Variants in ULK2 observed in about 807,000 individuals in gnomAD.
The protein encoded by ULK2 is unc-51 like autophagy activating kinase 2, also known as serine/threonine-protein kinase ULK2.
In ULK2, 76 loss-of-function variants were observed where a neutral mutation model predicts 127.5. That is an observed-to-expected ratio of 0.60 (90% CI 0.50 to 0.72). The LOEUF is 0.72. ULK2 is among the 30% of genes least tolerant of loss of function. ULK2 has a pLI of 0.00. For missense variants in ULK2, 1,144 were observed against 1,295.9 expected, an observed-to-expected ratio of 0.88 and a Z score of 1.80; for synonymous variants, 452 against 461.9, an observed-to-expected ratio of 0.98 and a Z score of 0.28.
chr17:19,797,337 A>G lies in ULK2; in HGVS notation c.1809+59T>C, dbSNP rs117970647. The G allele has an allele frequency of 2.0e-3, 2,944 of 1,485,888 alleles. 71 individuals carry two copies. In the East Asian group the frequency reaches 0.055, roughly 28 times the overall value. 92.0% of individuals were successfully genotyped at this position (1,485,888 alleles called of 1,614,324 possible). ...AAAATTATAGCTATTCTCATAATGAATCCTTTCCATAAAGTACTATACCAG... is the reference window on the plus strand; with the variant it reads ...AAAATTATAGCTATTCTCATAATGAGTCCTTTCCATAAAGTACTATACCAG... On this transcript the variant is annotated intron_variant, in intron 18 of 26. Transcript: ENST00000395544.
Position 19,783,769 on chromosome 17 carries a change from A to C in ULK2, c.2388T>G (p.Gly796=), listed in dbSNP as rs1172828447. Residue 796 remains glycine, a synonymous_variant, in exon 22 of 27, where the codon GGT becomes GGG. Transcript: ENST00000395544. ...GCCCCTCTAGGCTGGGGGGTGAAGC[A>C]CCGTAAGGCACGTATCTCAGGCTGG... ...AAPSLRYVPY[G]ASPPSLEGLI... 6.2e-7 allele frequency: 1 copy of C among 1,601,550 alleles called. No individual in the cohort carries two copies. Among genetic ancestry groups the C allele is most frequent in the South Asian group, 1.1e-5 (1 of 88,214 alleles).
At chr17:19,811,476 C>CT (rs1294091480) in intron 13 of ULK2, among the ~76,000 whole-genome samples, 1 of 151,760 alleles carries the variant, frequency 6.6e-6, no homozygotes, top group Non-Finnish European at 1.5e-5. Context: ...GAGTCTCACT[C>CT]TGTCGCCCAG....
At chr17:19,835,689 C>T (rs2041577603) in intron 10 of ULK2, among the ~76,000 whole-genome samples, 1 of 150,442 alleles carries the variant, frequency 6.6e-6, no homozygotes, top group Non-Finnish European at 1.5e-5. Flanking sequence ...TGCACTCCAG[C>T]CTGGGTGATA....
intron 3 of ULK2, among the ~76,000 whole-genome samples, chr17:19,853,378 T>C (rs982876491): frequency 6.6e-6 from 1 of 151,926 alleles, no homozygotes; most frequent in African/African-American, 2.4e-5. Flanking sequence ...ACTCAAGCGA[T>C]CTGCCCAGCT....
intron 13 of ULK2, 98 bp from the exon 14 acceptor site, chr17:19,810,536 C>A: frequency 1.5e-6 from 1 of 660,566 alleles, no homozygotes; most frequent in Non-Finnish European, 2.6e-6. Flanking sequence ...ATGCACGATG[C>A]AAAATTACCA....
At chr17:19,799,731 A>G (rs561402205) in intron 16 of ULK2, among the ~76,000 whole-genome samples, 156 bp from the exon 17 acceptor site, 1 of 152,356 alleles carries the variant, frequency 6.6e-6, no homozygotes, top group African/African-American at 2.4e-5. Flanking sequence ...CATTTACTGG[A>G]CAACCAATCC....
At chr17:19,846,003 C>T (rs558085247) in intron 6 of ULK2, among the ~76,000 whole-genome samples, 1 of 151,952 alleles carries the variant, frequency 6.6e-6, no homozygotes, top group East Asian at 1.9e-4. Flanking sequence ...CAGCTACTTG[C>T]GCATCCCAGC....
At chr17:19,826,424 T>G (rs1474990843) in intron 10 of ULK2, among the ~76,000 whole-genome samples, 1 of 152,118 alleles carries the variant, frequency 6.6e-6, no homozygotes, top group Non-Finnish European at 1.5e-5. Context: ...TTACGAATTC[T>G]CAAAACATCT....
At chr17:19,821,844 C>T (rs1253094300) in intron 12 of ULK2, among the ~76,000 whole-genome samples, 2 of 152,016 alleles carry the variant, frequency 1.3e-5, no homozygotes, top group African/African-American at 4.8e-5. Context: ...GGCTCAAGCA[C>T]CCAGCTAATT....
chr17:19,846,970 T>C (rs997431969), intron 5 of ULK2, 60 bp from the exon 6 acceptor site: 1 of 1,491,524 alleles, frequency 6.7e-7, no homozygotes, highest in Non-Finnish European at 9.0e-7. Context: ...CATCTGCATA[T>C]TCCATCAACA....
At chr17:19,861,630 A>G (rs1354576710) in intron 3 of ULK2, among the ~76,000 whole-genome samples, 2 of 152,182 alleles carry the variant, frequency 1.3e-5, no homozygotes, top group Non-Finnish European at 2.9e-5. Context: ...TCTCTCCAAG[A>G]TTGGGAAACT....
At chr17:19,856,977 CAAA>C (rs1157706276) in intron 3 of ULK2, among the ~76,000 whole-genome samples, 2 of 21,316 alleles carry the variant, frequency 9.4e-5, no homozygotes, top group Admixed American at 5.6e-4. Context: ...ACTCCATCTC[CAAA>C]AAAAAAAAAA....
At chr17:19,799,801 T>G (rs1027647830) in intron 16 of ULK2, among the ~76,000 whole-genome samples, 2 of 152,046 alleles carry the variant, frequency 1.3e-5, no homozygotes, top group African/African-American at 4.8e-5. Flanking sequence ...ATAAGAACAT[T>G]AGGGGAAGAA....
intron 12 of ULK2, among the ~76,000 whole-genome samples, chr17:19,821,533 G>A (rs2152391684): frequency 6.6e-6 from 1 of 152,132 alleles, no homozygotes; most frequent in East Asian, 1.9e-4. Context: ...TCAAGCCTCT[G>A]TATGAGTCTA....
At chr17:19,815,323 C>T (rs2040960826) in intron 13 of ULK2, among the ~76,000 whole-genome samples, 3 of 152,044 alleles carry the variant, frequency 2.0e-5, no homozygotes, top group East Asian at 1.9e-4. Flanking sequence ...TACAATGGCA[C>T]GATCTCAGCT....
rs971165181 is a variant in ULK2, at chr17:19,772,000, C to T, written c.*4349G>A. 6 of 152,328 alleles carry T rather than the reference C, an allele frequency of 3.9e-5. No homozygotes were observed. The highest frequency in any genetic ancestry group is 1.4e-4 in the African/African-American group (6 of 41,454). 9.4% of individuals were successfully genotyped at this position (152,328 alleles called of 1,614,324 possible). ...CCACACTCTGTGAAAAGTGGAAAAA[C>T]CTACAGATTGATCCCACCTGTTCAG... On this transcript the variant is annotated 3_prime_UTR_variant, in exon 27 of 27. Transcript: ENST00000395544.
intron 9 of ULK2, among the ~76,000 whole-genome samples, chr17:19,838,823 C>G (rs927360611): frequency 6.6e-6 from 1 of 151,542 alleles, no homozygotes; most frequent in Admixed American, 6.6e-5. Context: ...GTCAGGAGAT[C>G]GAGACCATCC....
chr17:19,846,698 A>G lies in ULK2; in HGVS notation c.469+39T>C, dbSNP rs781247333. 58 of 1,518,312 alleles carry G rather than the reference A, an allele frequency of 3.8e-5. No individual in the cohort carries two copies. In the Middle Eastern group the frequency reaches 5.3e-4, roughly 14 times the overall value. 94.1% of individuals were successfully genotyped at this position (1,518,312 alleles called of 1,614,324 possible). On this transcript the variant is annotated intron_variant, in intron 6 of 26. Coordinates refer to ENST00000395544, the MANE Select transcript of ULK2 (RefSeq NM_014683.4). ...CTAAAGTTGTCTAAAAATAGTTTCA[A>G]AAAATGTCCTTTCCATGACACAATA...
At chr17:19,864,513 T>C (rs1344659563) in intron 3 of ULK2, among the ~76,000 whole-genome samples, 1 of 152,074 alleles carries the variant, frequency 6.6e-6, no homozygotes, top group African/African-American at 2.4e-5. Context: ...CCTTTCAACA[T>C]TCATCAGAGA....
Sources: allele counts gnomAD v4.1 joint callset (sites outside exome capture counted in the v4.1 genomes callset), GRCh38; gene constraint gnomAD v4.1.1; transcripts MANE v1.5; gene names NCBI Gene and HGNC (gene_info 2026-07-23, HGNC 2026-07-21).